The following SMPDL3B variants were observed in gnomAD, a reference collection of about 807,000 sequenced individuals.
The protein encoded by SMPDL3B is sphingomyelin phosphodiesterase acid like 3B.
Under a neutral mutation model 37.9 loss-of-function variants are expected in SMPDL3B, and 31 were observed. That is an observed-to-expected ratio of 0.82 (90% CI 0.61 to 1.10). SMPDL3B has a LOEUF of 1.10. SMPDL3B is among the 50% of genes least tolerant of loss of function. The pLI is 0.00. For synonymous variants in SMPDL3B, 235 were observed against 242.6 expected (o/e 0.97, Z 0.29); for missense variants, 525 against 597.8 (o/e 0.88, Z 1.27).
Position 27,939,659 on chromosome 1 carries a change from A to G in SMPDL3B, c.61+4415A>G, listed in dbSNP as rs181037864. 4.6e-4 allele frequency among the ~76,000 whole-genome samples: 70 copies of G among 152,226 alleles called. 1 individual carries two copies. The highest frequency in any genetic ancestry group is 1.6e-3 in the African/African-American group (68 of 41,538). On this transcript the variant is annotated intron_variant, in intron 1 of 7. Coordinates refer to ENST00000373894, the MANE Select transcript of SMPDL3B (RefSeq NM_014474.4). ...CATGGCAAACCCCACCTCTACAAAA[A>G]AGTACAAGAAAATTTGCCAGGCCTG...
chr1:27,953,573 CCT>C (rs1378471394), intron 4 of SMPDL3B, among the ~76,000 whole-genome samples: 10 of 152,190 alleles, frequency 6.6e-5, no homozygotes, highest in Non-Finnish European at 1.3e-4. Flanking sequence ...TGATGATGCT[CCT>C]AAGTTCATAT....
In SMPDL3B at chr1:27,958,840, C is replaced by T. The variant is rs765754187; in HGVS notation, c.*2C>T. On this transcript the variant is annotated 3_prime_UTR_variant, in exon 8 of 8. Coordinates refer to ENST00000373894, the MANE Select transcript of SMPDL3B (RefSeq NM_014474.4). The surrounding 1 kb of genome is among the most constrained non-coding windows in gnomAD (Gnocchi z 5.6). ...GGCCTGTGCACGCTCGTGCTGTGAC[C>T]TGCCAGGCTCACCTTCTTCCTGGTA... is the stretch of plus-strand genomic sequence containing the variant. The T allele has an allele frequency of 4.3e-5, 68 of 1,572,810 alleles. No homozygotes were observed. The Admixed American group carries it at 1.2e-3, about 27-fold the overall frequency.
chr1:27,957,185 G>T (rs147601400), intron 7 of SMPDL3B, among the ~76,000 whole-genome samples: 127 of 152,250 alleles, frequency 8.3e-4, no homozygotes, highest in Admixed American at 2.7e-3. Context: ...AGGGGCAGGT[G>T]GGGGAGCAGT....
chr1:27,951,397 A>G (rs1571659754), intron 3 of SMPDL3B, among the ~76,000 whole-genome samples: 1 of 152,278 alleles, frequency 6.6e-6, no homozygotes, highest in South Asian at 2.1e-4. Context: ...GTGGCCTAAG[A>G]AGAGGAAGGG....
At chr1:27,940,478 G>A (rs908364012) in intron 1 of SMPDL3B, among the ~76,000 whole-genome samples, 6 of 151,514 alleles carry the variant, frequency 4.0e-5, no homozygotes, top group East Asian at 1.9e-4. Context: ...TAATTCTCAC[G>A]AGGGCCCCAA....
chr1:27,953,965 C>T (rs750655531), intron 4 of SMPDL3B, among the ~76,000 whole-genome samples: 9 of 152,192 alleles, frequency 5.9e-5, no homozygotes, highest in Non-Finnish European at 1.2e-4. Context: ...TGGTTAAAGC[C>T]GACCAGAAGC....
At chr1:27,942,317 C>T (rs1358019630) in intron 1 of SMPDL3B, 4 of 397,934 alleles carry the variant, frequency 1.0e-5, no homozygotes, top group Non-Finnish European at 2.1e-5. Flanking sequence ...GGCAAAGGGC[C>T]TCCCCCAACA....
Position 27,956,411 on chromosome 1 carries a change from C to T in SMPDL3B, c.1005+329C>T, listed in dbSNP as rs113998227. 2.3e-3 allele frequency: 2,926 copies of T among 1,262,824 alleles called. 46 individuals are homozygous for T. The African/African-American group carries it at 0.037, about 16-fold the overall frequency. The allele number at this position is 1,262,824 out of a possible 1,614,324, so 78.2% of individuals were successfully genotyped here. A position where few individuals can be genotyped will look rare whatever the true frequency, so the allele number is the denominator to read the frequency against. On this transcript the variant is annotated intron_variant, in intron 7 of 7. Transcript: ENST00000373894. ...TATAGCACCACTTTCATCTTGTCTC[C>T]GTCCTGCTCAAAAACCTTCAGTGGC...
Position 27,935,111 on chromosome 1 carries a change from A to G in SMPDL3B, c.-73A>G. 8.1e-7 allele frequency: 1 copy of G among 1,237,640 alleles called. No homozygotes were observed. The highest frequency in any genetic ancestry group is 1.2e-6 in the Non-Finnish European group (1 of 844,902). The allele number at this position is 1,237,640 out of a possible 1,614,324, so 76.7% of individuals were successfully genotyped here. Reference sequence around the variant, plus strand: ...CTCAGGCACGTGGCCACAGAAAACTACTTAGGAAGCCTGTGGTGAGAACAA... The same window carrying G: ...CTCAGGCACGTGGCCACAGAAAACTGCTTAGGAAGCCTGTGGTGAGAACAA... On this transcript the variant is annotated 5_prime_UTR_variant, in exon 1 of 8. Coordinates refer to ENST00000373894, the MANE Select transcript of SMPDL3B (RefSeq NM_014474.4).
intron 5 of SMPDL3B, among the ~76,000 whole-genome samples, chr1:27,955,353 T>C (rs531477037): frequency 2.4e-4 from 36 of 152,282 alleles, no homozygotes; most frequent in African/African-American, 8.2e-4. Context: ...AATGGTTTCG[T>C]TGCAGTGTTC....
chr1:27,951,053 A>G (rs4259685), intron 3 of SMPDL3B, among the ~76,000 whole-genome samples: 44,005 of 150,210 alleles, frequency 0.29, 7,030 homozygotes, highest in Non-Finnish European at 0.36. Context: ...ATGAGCCACC[A>G]TGCCTGGCCT....
intron 1 of SMPDL3B, among the ~76,000 whole-genome samples, chr1:27,940,638 T>C (rs185352030): frequency 1.2e-4 from 18 of 152,264 alleles, no homozygotes; most frequent in Admixed American, 9.8e-4. Context: ...ACCAAATTTA[T>C]TTATCTTCTC....
At chr1:27,949,659 C>A (rs1380157672) in intron 3 of SMPDL3B, among the ~76,000 whole-genome samples, 2 of 152,170 alleles carry the variant, frequency 1.3e-5, no homozygotes, top group Non-Finnish European at 2.9e-5. Flanking sequence ...GTGAGTGAGG[C>A]AGCAGCCCTA....
intron 2 of SMPDL3B, among the ~76,000 whole-genome samples, chr1:27,947,067 G>A (rs1473872181): frequency 2.1e-5 from 3 of 141,292 alleles, no homozygotes; most frequent in East Asian, 2.1e-4. Context: ...ATGGAGTTTC[G>A]CTCTTTTTGC....
intron 2 of SMPDL3B, among the ~76,000 whole-genome samples, chr1:27,948,049 T>A (rs1008189527): frequency 6.6e-6 from 1 of 152,180 alleles, no homozygotes; most frequent in African/African-American, 2.4e-5. Flanking sequence ...TAGGATGCAG[T>A]GGCTGTGAGC....
In SMPDL3B at chr1:27,945,129, G is replaced by A. The variant is rs2090395072; in HGVS notation, c.62-103G>A. 6 of 1,052,922 alleles carry A rather than the reference G, an allele frequency of 5.7e-6. No homozygotes were observed. The highest frequency in any genetic ancestry group is 2.9e-6 in the Non-Finnish European group (2 of 694,540). 65.2% of individuals were successfully genotyped at this position (1,052,922 alleles called of 1,614,324 possible). A position where few individuals can be genotyped will look rare whatever the true frequency, so the allele number is the denominator to read the frequency against. ...GGGTGCTCAGAGAAGACTTCCATTT[G>A]CCTGTGTAACGCCCCTGCCCCAGCC... is the stretch of plus-strand genomic sequence containing the variant. On this transcript the variant is annotated intron_variant, in intron 1 of 7. Transcript: ENST00000373894. The surrounding 1 kb of genome is among the most constrained non-coding windows in gnomAD (Gnocchi z 4.0).
intron 2 of SMPDL3B, among the ~76,000 whole-genome samples, chr1:27,946,908 G>A (rs533134930): frequency 1.1e-3 from 174 of 152,300 alleles, no homozygotes; most frequent in Non-Finnish European, 2.2e-3. Flanking sequence ...AGAAGAGAGT[G>A]AGATTTGGTC....
chr1:27,951,354 A>G (rs1376098168), intron 3 of SMPDL3B, among the ~76,000 whole-genome samples: 1 of 152,166 alleles, frequency 6.6e-6, no homozygotes, highest in Non-Finnish European at 1.5e-5. Flanking sequence ...CATCTTATAG[A>G]TAACTAAACT....
chr1:27,949,898 G>C (rs541649282), intron 3 of SMPDL3B, among the ~76,000 whole-genome samples: 1 of 151,938 alleles, frequency 6.6e-6, no homozygotes, highest in East Asian at 1.9e-4. Flanking sequence ...CACAGATATG[G>C]AGTAATAATA....
Sources: gnomAD v4.1 joint callset for allele counts (sites outside exome capture counted in the v4.1 genomes callset) on GRCh38, gnomAD v4.1.1 for gene constraint, Gnocchi (gnomAD v3.1) non-coding constraint, MANE v1.5 for transcripts, NCBI Gene and HGNC (gene_info 2026-07-23, HGNC 2026-07-21) for gene names.